ACTR1B: variants seen among roughly 807,000 people sequenced by gnomAD.
ACTR1B encodes actin related protein 1B, also known as beta-centractin.
Under a neutral mutation model 49.4 loss-of-function variants are expected in ACTR1B, and 34 were observed. That is an observed-to-expected ratio of 0.69 (90% confidence interval 0.52 to 0.92). The LOEUF is 0.92. Ranked by LOEUF, ACTR1B falls within the 40% of genes least tolerant of loss-of-function variation. The pLI is 0.00. For synonymous variants in ACTR1B, 207 were observed against 207.8 expected (o/e 1.00, Z 0.03); for missense variants, 471 against 522.4 (o/e 0.90, Z 0.96).
chr2:97,663,951 G>T lies in ACTR1B; in HGVS notation c.-61C>A. On this transcript the variant is annotated 5_prime_UTR_variant, in exon 1 of 11. Transcript: ENST00000289228. ...TGCAGGAGGCACCGGATGGGCGGGC[G>T]GGCGGGAGGACCGGGACGGCGGCGG... The T allele has an allele frequency of 2.1e-6, 2 of 936,680 alleles. No homozygotes were observed. Among genetic ancestry groups the T allele is most frequent in the Non-Finnish European group, 1.4e-6 (1 of 707,882 alleles). 58.0% of individuals were successfully genotyped at this position (936,680 alleles called of 1,614,324 possible).
rs1264503579 is a variant in ACTR1B at position 97,659,294 on chromosome 2, AGAG to A, written c.315+55_315+57del. 2 of 1,609,658 alleles carry A rather than the reference AGAG, an allele frequency of 1.2e-6. No individual in the cohort carries two copies. Among genetic ancestry groups the A allele is most frequent in the Non-Finnish European group, 8.5e-7 (1 of 1,178,164 alleles). ...GTGGGAGCCCGGCGAGGAGGGACGC[AGAG>A]GAGAGGGGCATGGCCAGGAGAATGC... On this transcript the variant is annotated intron_variant, in intron 4 of 10. Transcript: ENST00000289228. This position sits in a 1 kb window ranked among gnomAD's most constrained non-coding sequence, Gnocchi z 4.0.
chr2:97,657,895 G>C (rs763875630), intron 8 of ACTR1B, 48 bp downstream of exon 8: 1 of 1,596,190 alleles, frequency 6.3e-7, no homozygotes, highest in East Asian at 2.2e-5. Flanking sequence ...TGAGGGTCCA[G>C]CTGCCCTGGG....
At chr2:97,663,245 G>C (rs1675073786) in intron 1 of ACTR1B, among the ~76,000 whole-genome samples, 1 of 152,208 alleles carries the variant, frequency 6.6e-6, no homozygotes, top group African/African-American at 2.4e-5. Context: ...GCTGATACTG[G>C]GAAGAGTGGC....
chr2:97,659,486 G>A lies in ACTR1B; in HGVS notation c.190-9C>T, dbSNP rs1674955146. 1.9e-6 allele frequency: 3 copies of A among 1,612,978 alleles called. No individual in the cohort carries two copies. The highest frequency in any genetic ancestry group is 2.5e-6 in the Non-Finnish European group (3 of 1,179,960). ...AGCAGCCCCCGGTGCTCCTGGTGGG[G>A]TGGGAAGGGAGGTGTGGCACCCGGC... On this transcript the variant is annotated splice_polypyrimidine_tract_variant and intron_variant, in intron 3 of 10. Coordinates refer to ENST00000289228, the MANE Select transcript of ACTR1B (RefSeq NM_005735.4). The surrounding 1 kb of genome is among the most constrained non-coding windows in gnomAD (Gnocchi z 4.0).
rs138158305 is a variant in ACTR1B, at chr2:97,656,623, C to T, written c.*235G>A. The T allele has an allele frequency of 1.8e-5, 9 of 509,852 alleles. No homozygotes were observed. The highest frequency in any genetic ancestry group is 6.7e-5 in the Admixed American group (2 of 29,792). The allele number at this position is 509,852 out of a possible 1,614,324, so 31.6% of individuals were successfully genotyped here. ...GGATACCCACAACAGCCTGACATGGCGCTCAATTCCCACACGCCAGCTCAA... is the reference window on the plus strand; with the variant it reads ...GGATACCCACAACAGCCTGACATGGTGCTCAATTCCCACACGCCAGCTCAA... On this transcript the variant is annotated 3_prime_UTR_variant, in exon 11 of 11. Coordinates refer to ENST00000289228, the MANE Select transcript of ACTR1B (RefSeq NM_005735.4).
chr2:97,657,953 C>G lies in ACTR1B; in HGVS notation c.915G>C (p.Thr305=). 1 of 1,613,968 alleles carries G rather than the reference C, an allele frequency of 6.2e-7. No homozygotes were observed. The highest frequency in any genetic ancestry group is 2.2e-5 in the East Asian group (1 of 44,882). Reference sequence around the variant, plus strand: ...CTCAAGCCACAGTACCTTTGAAAAGCGTTGAGCCACCTGAGAGCACGATGT... The same window carrying G: ...CTCAAGCCACAGTACCTTTGAAAAGGGTTGAGCCACCTGAGAGCACGATGT... ...FANIVLSGGS[T]LFKGFGDRLL... Residue 305 remains threonine (T), a synonymous_variant, in exon 8 of 11, where the codon ACG becomes ACC. Coordinates refer to ENST00000289228, the MANE Select transcript of ACTR1B (RefSeq NM_005735.4).
In ACTR1B at chr2:97,660,643, G is replaced by A. The variant is rs775360822; in HGVS notation, c.117C>T (p.Val39=). ...QIPKYCFPNY[V]GRPKHMRVMA... ...TCACCCGCATGTGCTTCGGCCGCCCGACACTGTTAGGACGGATAACGTCAG... is the reference window on the plus strand; with the variant it reads ...TCACCCGCATGTGCTTCGGCCGCCCAACACTGTTAGGACGGATAACGTCAG... The change falls in exon 3 of 11, where the codon GTC becomes GTT. Residue 39 remains valine (V), a synonymous_variant. Transcript: ENST00000289228. The A allele has an allele frequency of 5.0e-6, 8 of 1,613,908 alleles. No individual in the cohort carries two copies. Among genetic ancestry groups the A allele is most frequent in the African/African-American group, 1.3e-5 (1 of 74,938 alleles).
At position 97,659,003 on chromosome 2, in the gene ACTR1B, GC is replaced by G. The variant is rs1674937854; in HGVS notation, c.316-1del. On this transcript the variant is annotated splice_acceptor_variant, in intron 4 of 10. Transcript: ENST00000289228. LOFTEE classifies it high-confidence loss of function. The surrounding 1 kb of genome is among the most constrained non-coding windows in gnomAD (Gnocchi z 4.0). The stretch of plus-strand genomic sequence containing the variant: ...GGGGCCTCCGTGAGGAGCACAGGAT[GC>G]TGCGAGGGACGGGACAGTTGTAGGC... The G allele has an allele frequency of 6.2e-7, 1 of 1,614,012 alleles. No homozygotes were observed. Among genetic ancestry groups the G allele is most frequent in the South Asian group, 1.1e-5 (1 of 91,088 alleles).
Position 97,659,802 on chromosome 2 carries a change from C to T in ACTR1B, c.190-325G>A. The stretch of plus-strand genomic sequence containing the variant: ...TCCCCCACATTCTCCTCACACTCTG[C>T]CAGCTCCCCTCTGGCCAGCGCCGGC... On this transcript the variant is annotated intron_variant, in intron 3 of 10. Transcript: ENST00000289228. This position sits in a 1 kb window ranked among gnomAD's most constrained non-coding sequence, Gnocchi z 4.0. 1 of 402,166 alleles carries T rather than the reference C, an allele frequency of 2.5e-6. No individual in the cohort carries two copies. The highest frequency in any genetic ancestry group is 4.6e-6 in the Non-Finnish European group (1 of 219,150). The allele number at this position is 402,166 out of a possible 1,614,324, so 24.9% of individuals were successfully genotyped here.
At position 97,657,461 on chromosome 2, in the gene ACTR1B, T is replaced by A. The variant is rs1488641978; in HGVS notation, c.974A>T (p.Asp325Val). 2 of 1,614,082 alleles carry A rather than the reference T, an allele frequency of 1.2e-6. No individual in the cohort carries two copies. The highest frequency in any genetic ancestry group is 2.7e-5 in the African/African-American group (2 of 74,926). ...CTGTAACCTCACCTTGATTTTGATATCCTTTGGGGCAAGCTTCTTCACTTC... is the reference window on the plus strand; with the variant it reads ...CTGTAACCTCACCTTGATTTTGATAACCTTTGGGGCAAGCTTCTTCACTTC... ...LSEVKKLAPK[D>V]IKIKISAPQE... The change falls in exon 9 of 11, where the codon GAT (aspartate) becomes GTT (valine). Residue 325 changes from aspartate (D) to valine (V), a missense_variant. Coordinates refer to ENST00000289228, the MANE Select transcript of ACTR1B (RefSeq NM_005735.4).
At chr2:97,660,775 G>A (rs1292567061) in intron 2 of ACTR1B, 129 bp from the exon 3 acceptor site, 6 of 891,272 alleles carry the variant, frequency 6.7e-6, no homozygotes, top group Non-Finnish European at 1.1e-5. Flanking sequence ...TGGCTGGGGG[G>A]CACAGGTTGG....
Position 97,663,929 on chromosome 2 carries a change from A to T in ACTR1B, c.-39T>A. 1 of 468,586 alleles carries T rather than the reference A, an allele frequency of 2.1e-6. No individual in the cohort carries two copies. Among genetic ancestry groups the T allele is most frequent in the East Asian group, 1.3e-4 (1 of 7,850 alleles). The allele number at this position is 468,586 out of a possible 1,614,324, so 29.0% of individuals were successfully genotyped here. A position where few individuals can be genotyped will look rare whatever the true frequency, so the allele number is the denominator to read the frequency against. ...CGGCCCTGCCCAGCAGGCGGGCTGC[A>T]GGAGGCACCGGATGGGCGGGCGGGC... is the stretch of plus-strand genomic sequence containing the variant. On this transcript the variant is annotated 5_prime_UTR_variant, in exon 1 of 11. Transcript: ENST00000289228.
chr2:97,663,041 C>G (rs1244513843), intron 1 of ACTR1B, among the ~76,000 whole-genome samples: 5 of 152,162 alleles, frequency 3.3e-5, no homozygotes, highest in Non-Finnish European at 1.5e-5. Context: ...GCCCGCACAC[C>G]GGACGCACAT....
chr2:97,661,798 C>T, intron 2 of ACTR1B, 84 bp downstream of exon 2: 1 of 1,409,356 alleles, frequency 7.1e-7, no homozygotes, highest in Non-Finnish European at 9.8e-7. Context: ...CACAAATTGT[C>T]TTCAAAGAGC....
rs375198348 is a variant in ACTR1B, at chr2:97,657,214, G to A, written c.988-22C>T. 1.1e-5 allele frequency: 17 copies of A among 1,610,594 alleles called. 1 individual carries two copies. In the South Asian group the frequency reaches 1.2e-4, roughly 11 times the overall value. On this transcript the variant is annotated intron_variant, in intron 9 of 10. Transcript: ENST00000289228. ...AGATCTAGAAGGAGGAAGTGGCCAC[G>A]TTAACTGTGGATCCCCACCCAGAAG...
intron 3 of ACTR1B, among the ~76,000 whole-genome samples, chr2:97,660,233 T>C (rs1674975443): frequency 6.6e-6 from 1 of 152,212 alleles, no homozygotes; most frequent in Admixed American, 6.5e-5. Context: ...AGCCCCTTGG[T>C]GGGACACTCC....
chr2:97,659,414 C>T lies in ACTR1B; in HGVS notation c.253G>A (p.Asp85Asn), dbSNP rs774351812. 1.2e-6 allele frequency: 2 copies of T among 1,613,970 alleles called. No homozygotes were observed. The highest frequency in any genetic ancestry group is 2.7e-5 in the African/African-American group (2 of 74,908). Residue 85 changes from aspartate to asparagine, a missense_variant, in exon 4 of 11, where the codon GAC becomes AAC. By Grantham distance (23) the Asp-to-Asn change is conservative (BLOSUM62 1). Transcript: ENST00000289228. This position sits in a 1 kb window ranked among gnomAD's most constrained non-coding sequence, Gnocchi z 4.0. ...MEHGVVRDWN[D>N]MERIWQYVYS... is the part of the protein sequence containing the mutation. Reference sequence around the variant, plus strand: ...ACGTACTGCCAGATGCGTTCCATGTCGTTCCAGTCTCGCACCACGCCGTGC... The same window carrying T: ...ACGTACTGCCAGATGCGTTCCATGTTGTTCCAGTCTCGCACCACGCCGTGC...
chr2:97,657,833 G>A, intron 8 of ACTR1B, 110 bp downstream of exon 8: 1 of 1,334,554 alleles, frequency 7.5e-7, no homozygotes, highest in Non-Finnish European at 1.0e-6. Flanking sequence ...AATGTTCATT[G>A]AGCACCACCA....
At chr2:97,660,682 G>A (rs201783746) in intron 2 of ACTR1B, 36 bp from the exon 3 acceptor site, 6 of 1,592,964 alleles carry the variant, frequency 3.8e-6, no homozygotes, top group East Asian at 4.5e-5. Flanking sequence ...GGTGGGCAGG[G>A]AGCATGGCAG....
Sources: allele counts gnomAD v4.1 joint callset (sites outside exome capture counted in the v4.1 genomes callset), GRCh38; gene constraint gnomAD v4.1.1; non-coding constraint Gnocchi (gnomAD v3.1); transcripts MANE v1.5; gene names NCBI Gene and HGNC (gene_info 2026-07-23, HGNC 2026-07-21).